SOX6: variants seen among roughly 807,000 people sequenced by gnomAD.
SOX6 encodes SRY-box transcription factor 6, also known as transcription factor SOX-6.
In SOX6, 11 loss-of-function variants were observed where a neutral mutation model predicts 97.8. The ratio of observed to expected loss-of-function variants is 0.11; its 90% confidence interval spans 0.07 to 0.19. The LOEUF (loss-of-function observed/expected upper bound fraction) is 0.19. Among genes scored for constraint, SOX6 ranks in the 10% least tolerant of loss-of-function variants. SOX6 has a pLI of 1.00. For synonymous variants in SOX6, 360 were observed against 371.4 expected (o/e 0.97, Z 0.35); for missense variants, 810 against 1,039.5 (o/e 0.78, Z 3.04).
chr11:16,097,285 TA>T (rs1253626939), intron 8 of SOX6, among the ~76,000 whole-genome samples: 2 of 151,850 alleles, frequency 1.3e-5, no homozygotes, highest in African/African-American at 4.8e-5. Context: ...AATCTGGACA[TA>T]AGTGGAGACA....
intron 3 of SOX6, among the ~76,000 whole-genome samples, chr11:16,299,957 T>G (rs1855207737): frequency 6.6e-6 from 1 of 152,210 alleles, no homozygotes; most frequent in Non-Finnish European, 1.5e-5. Context: ...TTCTGTTTCC[T>G]TAATGTGAAA....
chr11:16,590,132 A>G (rs1160536800), intron 4 of SOX6, among the ~76,000 whole-genome samples: 1 of 152,216 alleles, frequency 6.6e-6, no homozygotes, highest in Admixed American at 6.5e-5. Context: ...CTGGCATTGT[A>G]TAGGTGGTAC....
At position 16,462,839 on chromosome 11, in the gene SOX6, T is replaced by A. The variant is rs79451229; in HGVS notation, c.-5+13476A>T. On this transcript the variant is annotated intron_variant, in intron 1 of 15. Transcript: ENST00000396356. ...TCAACTTAGCAGCCCAAGGACCAGA[T>A]TAAGGGTCAGTTGCAGAGAAAGAGG... is the stretch of plus-strand genomic sequence containing the variant. Among the ~76,000 whole-genome samples, 11 of 152,238 alleles carry A rather than the reference T, an allele frequency of 7.2e-5. No homozygotes were observed. In the East Asian group the frequency reaches 2.1e-3, roughly 29 times the overall value.
At chr11:16,287,566 G>A (rs1807912625) in intron 3 of SOX6, among the ~76,000 whole-genome samples, 1 of 151,948 alleles carries the variant, frequency 6.6e-6, no homozygotes, top group African/African-American at 2.4e-5. Context: ...GTGCCCTAAA[G>A]TTTTACTCCA....
At chr11:16,538,543 G>C (rs1590237422) in intron 4 of SOX6, among the ~76,000 whole-genome samples, 1 of 152,262 alleles carries the variant, frequency 6.6e-6, no homozygotes, top group East Asian at 1.9e-4. Context: ...TGGATAAAGA[G>C]TCAAGACCCA....
intron 1 of SOX6, among the ~76,000 whole-genome samples, chr11:16,418,329 G>T (rs1858963970): frequency 6.6e-6 from 1 of 152,058 alleles, no homozygotes; most frequent in African/African-American, 2.4e-5. Context: ...CTATAAAAAG[G>T]AAAACAGCCT....
intron 1 of SOX6, among the ~76,000 whole-genome samples, chr11:16,427,423 G>A (rs144192742): frequency 0.084 from 12,715 of 151,138 alleles, 602 homozygotes; most frequent in Non-Finnish European, 0.11. Flanking sequence ...TTGGTGTGCC[G>A]CACCCATTAA....
At chr11:16,049,697 G>A in intron 11 of SOX6, 58 bp downstream of exon 11, 1 of 1,598,868 alleles carries the variant, frequency 6.3e-7, no homozygotes, top group South Asian at 1.1e-5. Flanking sequence ...AACTAAACAG[G>A]TTTGCTTTCT....
At chr11:15,976,226 C>A (rs1168809475) in intron 15 of SOX6, among the ~76,000 whole-genome samples, 1 of 152,116 alleles carries the variant, frequency 6.6e-6, no homozygotes, top group African/African-American at 2.4e-5. Flanking sequence ...CCTCTCCAAG[C>A]CTTCTGGGAA....
intron 6 of SOX6, among the ~76,000 whole-genome samples, chr11:16,163,054 A>G (rs1178683081): frequency 6.6e-6 from 1 of 152,134 alleles, no homozygotes; most frequent in Non-Finnish European, 1.5e-5. Context: ...GAGTGGAAAG[A>G]TAGTGTAAAA....
At chr11:16,691,125 C>T (rs1296186241) in intron 3 of SOX6, among the ~76,000 whole-genome samples, 2 of 152,130 alleles carry the variant, frequency 1.3e-5, no homozygotes, top group African/African-American at 4.8e-5. Context: ...TTTCATGACC[C>T]TCCTTGGAGT....
chr11:16,229,705 A>T (rs2030291), intron 4 of SOX6, among the ~76,000 whole-genome samples: 64,901 of 151,630 alleles, frequency 0.43, 14,198 homozygotes, highest in South Asian at 0.6. Flanking sequence ...TTAAAAATTA[A>T]TTAGGAAAAC....
At chr11:16,106,043 G>T (rs1590199957) in intron 7 of SOX6, among the ~76,000 whole-genome samples, 1 of 152,156 alleles carries the variant, frequency 6.6e-6, no homozygotes, top group East Asian at 1.9e-4. Context: ...GTTTTTGAAA[G>T]AAATTAAAGA....
rs1855241071 is a variant in SOX6, at chr11:16,301,000, T to C, written c.445+17446A>G. 6.6e-6 allele frequency among the ~76,000 whole-genome samples: 1 copy of C among 152,122 alleles called. No individual in the cohort carries two copies. The highest frequency in any genetic ancestry group is 1.5e-5 in the Non-Finnish European group (1 of 68,014). On this transcript the variant is annotated intron_variant, in intron 3 of 15. Transcript: ENST00000683767. This position sits in a 1 kb window ranked among gnomAD's most constrained non-coding sequence, Gnocchi z 4.1. ...CTGAAACCACACAATACCTTTTCTTTTTTCCCTCATCAACTTTTCTTCCCT... is the reference window on the plus strand; with the variant it reads ...CTGAAACCACACAATACCTTTTCTTCTTTCCCTCATCAACTTTTCTTCCCT...
At chr11:16,718,544 T>C (rs1029738052) in intron 2 of SOX6, among the ~76,000 whole-genome samples, 2 of 152,160 alleles carry the variant, frequency 1.3e-5, no homozygotes, top group Non-Finnish European at 2.9e-5. Context: ...ATTTATGTGT[T>C]TAAATTTTTT....
chr11:16,039,226 C>G (rs1396016413), intron 12 of SOX6, among the ~76,000 whole-genome samples: 5 of 152,166 alleles, frequency 3.3e-5, no homozygotes, highest in South Asian at 2.1e-4. Flanking sequence ...CGTATCACTG[C>G]AAACCACCCA....
chr11:16,091,302 T>C (rs1259704102), intron 9 of SOX6, among the ~76,000 whole-genome samples: 1 of 152,064 alleles, frequency 6.6e-6, no homozygotes, highest in Admixed American at 6.6e-5. Context: ...CTCCATTGGG[T>C]AGCCAGTAAT....
intron 3 of SOX6, among the ~76,000 whole-genome samples, chr11:16,294,794 ATTGT>A (rs2134263707): frequency 6.6e-6 from 1 of 152,174 alleles, no homozygotes; most frequent in East Asian, 1.9e-4. Context: ...TGTCTTCTGA[ATTGT>A]TTAAGGGGAT....
chr11:16,213,361 C>G (rs1317057341), intron 4 of SOX6, among the ~76,000 whole-genome samples: 1 of 152,042 alleles, frequency 6.6e-6, no homozygotes, highest in South Asian at 2.1e-4. Context: ...GTCTAAATCT[C>G]TCTGTCTGCC....
Sources: gnomAD v4.1 joint callset for allele counts (sites outside exome capture counted in the v4.1 genomes callset) on GRCh38, gnomAD v4.1.1 for gene constraint, Gnocchi (gnomAD v3.1) non-coding constraint, MANE v1.5 for transcripts, NCBI Gene and HGNC (gene_info 2026-07-23, HGNC 2026-07-21) for gene names.